Variants in GRM5 observed in about 807,000 individuals in gnomAD.
GRM5 encodes metabotropic glutamate receptor 5.
In GRM5, 19 loss-of-function variants were observed where a neutral mutation model predicts 83.1. That is an observed-to-expected ratio of 0.23 (90% CI 0.16 to 0.34). The LOEUF is 0.34. Among genes scored for constraint, GRM5 ranks in the 10% least tolerant of loss-of-function variants. The pLI is 1.00. For synonymous variants in GRM5, 675 were observed against 633.6 expected (o/e 1.07, Z -0.98); for missense variants, 1,160 against 1,588.3 (o/e 0.73, Z 4.58).
rs529312759 is a variant in GRM5, at chr11:88,669,141, A to T, written c.912-15738T>A. ...CAATCAAGATGTAGATACACCCTAA[A>T]TGTTCACTAGTGGATGAATGGATAA... On this transcript the variant is annotated intron_variant, in intron 3 of 9. Transcript: ENST00000305447. Among the ~76,000 whole-genome samples the T allele has an allele frequency of 1.2e-4, 19 of 152,250 alleles. 1 individual carries two copies. The South Asian group carries it at 3.7e-3, about 30-fold the overall frequency.
intron 2 of GRM5, among the ~76,000 whole-genome samples, chr11:88,857,093 T>C (rs1944491081): frequency 2.6e-5 from 4 of 152,030 alleles, no homozygotes; most frequent in Admixed American, 2.6e-4. Context: ...TAAAGTAAAA[T>C]CCTGAAATAA....
intron 4 of GRM5, among the ~76,000 whole-genome samples, chr11:88,652,033 T>C (rs1284723053): frequency 1.3e-5 from 2 of 152,134 alleles, no homozygotes; most frequent in African/African-American, 2.4e-5. Flanking sequence ...TGGACTAGAA[T>C]TGGGTAATGG....
chr11:88,994,445 T>TTTTATATA (rs1327520617), intron 2 of GRM5, among the ~76,000 whole-genome samples: 402 of 86,874 alleles, frequency 4.6e-3, no homozygotes, highest in East Asian at 0.037. Context: ...CTTTAACTGA[T>TTTTATATA]TATATATATA....
intron 2 of GRM5, among the ~76,000 whole-genome samples, chr11:88,975,885 T>C (rs1274747258): frequency 6.6e-6 from 1 of 152,206 alleles, no homozygotes; most frequent in African/African-American, 2.4e-5. Context: ...ATGTATAAAA[T>C]GGAGATCATA....
chr11:89,041,210 G>A (rs1195757269), intron 2 of GRM5, among the ~76,000 whole-genome samples: 1 of 152,178 alleles, frequency 6.6e-6, no homozygotes, highest in Non-Finnish European at 1.5e-5. Context: ...TCACATTTAG[G>A]TAAGCATCTG....
chr11:89,010,893 A>G (rs918434020), intron 2 of GRM5, among the ~76,000 whole-genome samples: 10 of 152,300 alleles, frequency 6.6e-5, no homozygotes, highest in African/African-American at 2.4e-4. Flanking sequence ...GCACATGATT[A>G]TGAGAAAATG....
intron 3 of GRM5, among the ~76,000 whole-genome samples, chr11:88,733,269 T>C (rs72966407): frequency 0.047 from 7,151 of 152,080 alleles, 157 homozygotes; most frequent in Middle Eastern, 0.071. Flanking sequence ...CAGCTGCCAA[T>C]TAAAAAGAGT....
chr11:88,797,335 T>C (rs1943300253), intron 3 of GRM5, among the ~76,000 whole-genome samples: 1 of 151,842 alleles, frequency 6.6e-6, no homozygotes. Flanking sequence ...AGAGACGGAG[T>C]TTCACCATGT....
At chr11:88,730,950 T>C (rs1404600057) in intron 3 of GRM5, among the ~76,000 whole-genome samples, 6 of 152,078 alleles carry the variant, frequency 3.9e-5, no homozygotes, top group African/African-American at 1.4e-4. Context: ...CAAACCACCA[T>C]GGCACGTGTA....
intron 8 of GRM5, among the ~76,000 whole-genome samples, chr11:88,555,959 T>A (rs1014635126): frequency 3.3e-5 from 5 of 152,146 alleles, no homozygotes; most frequent in African/African-American, 1.2e-4. Context: ...ATAAATGCAC[T>A]GCCAAACCAC....
intron 3 of GRM5, among the ~76,000 whole-genome samples, chr11:88,737,952 G>A (rs1035535008): frequency 2.0e-5 from 3 of 151,962 alleles, no homozygotes; most frequent in African/African-American, 7.2e-5. Context: ...TACAATTCAT[G>A]ATTACAATGT....
At chr11:88,994,086 T>TC (rs200611147) in intron 2 of GRM5, among the ~76,000 whole-genome samples, 16 of 148,850 alleles carry the variant, frequency 1.1e-4, no homozygotes, top group Admixed American at 7.4e-4. Flanking sequence ...CAATGAACCA[T>TC]CCCCCCCAAA....
At chr11:88,702,776 T>C (rs544876488) in intron 3 of GRM5, among the ~76,000 whole-genome samples, 1 of 151,972 alleles carries the variant, frequency 6.6e-6, no homozygotes, top group African/African-American at 2.4e-5. Flanking sequence ...ATGTAACTGA[T>C]GTCATTATAA....
chr11:88,654,058 C>T (rs1173322265), intron 3 of GRM5, among the ~76,000 whole-genome samples: 2 of 152,040 alleles, frequency 1.3e-5, no homozygotes, highest in Non-Finnish European at 2.9e-5. Flanking sequence ...CATCTGAAAT[C>T]ACATTTTATA....
intron 3 of GRM5, among the ~76,000 whole-genome samples, chr11:88,844,328 A>C (rs1944259554): frequency 6.6e-6 from 1 of 151,678 alleles, no homozygotes; most frequent in South Asian, 2.1e-4. Context: ...TGGTTTACTG[A>C]ATATTTTAAG....
chr11:88,997,658 G>C (rs1458158240), intron 2 of GRM5, among the ~76,000 whole-genome samples: 1 of 151,598 alleles, frequency 6.6e-6, no homozygotes, highest in Non-Finnish European at 1.5e-5. Flanking sequence ...AATAGTAAGG[G>C]GATACTACAA....
intron 3 of GRM5, among the ~76,000 whole-genome samples, chr11:88,664,315 C>T (rs554911076): frequency 1.8e-4 from 15 of 81,652 alleles, no homozygotes; most frequent in Admixed American, 8.6e-4. Context: ...ATCAATCAAC[C>T]CAGATTTAAA....
chr11:89,056,198 C>T (rs1469494171), intron 1 of GRM5, among the ~76,000 whole-genome samples: 1 of 152,096 alleles, frequency 6.6e-6, no homozygotes, highest in Non-Finnish European at 1.5e-5. Context: ...ATAAATGTTT[C>T]TCCTGGTTTA....
At chr11:88,962,202 C>T (rs767382366) in intron 2 of GRM5, among the ~76,000 whole-genome samples, 5 of 152,168 alleles carry the variant, frequency 3.3e-5, no homozygotes, top group Admixed American at 6.5e-5. Context: ...AGGATCCATT[C>T]GCCATGCACT....
Sources: allele counts gnomAD v4.1 joint callset (sites outside exome capture counted in the v4.1 genomes callset), GRCh38; gene constraint gnomAD v4.1.1; transcripts MANE v1.5; gene names NCBI Gene and HGNC (gene_info 2026-07-23, HGNC 2026-07-21).